The following FSIP2 variants were observed in gnomAD, a reference collection of about 807,000 sequenced individuals.
FSIP2 encodes fibrous sheath interacting protein 2.
In FSIP2, 367 loss-of-function variants were observed where a neutral mutation model predicts 510.5. The ratio of observed to expected loss-of-function variants is 0.72; its 90% CI spans 0.66 to 0.78. FSIP2 has a LOEUF of 0.78. FSIP2 is among the 30% of genes least tolerant of loss of function. The pLI, the probability that FSIP2 is intolerant of heterozygous loss-of-function variation, is 0.00. For missense variants in FSIP2, 7,594 were observed against 7,901.7 expected, an observed-to-expected ratio of 0.96 and a Z score of 1.48; for synonymous variants, 2,601 against 2,732.2, an observed-to-expected ratio of 0.95 and a Z score of 1.50.
chr2:185,801,612 C>T lies in FSIP2; in HGVS notation c.12306C>T (p.Pro4102=). 6.5e-7 allele frequency: 1 copy of T among 1,532,748 alleles called. No homozygotes were observed. The highest frequency in any genetic ancestry group is 8.7e-7 in the Non-Finnish European group (1 of 1,144,998). 94.9% of individuals were successfully genotyped at this position (1,532,748 alleles called of 1,614,324 possible). ...CTTGCTTCAAGGAACATCTCATACC[C>T]CATTCATATTACCCTCTCAAACCTG... ...LPSCFKEHLI[P]HSYYPLKPEI... is the part of the protein sequence containing the mutation. Residue 4102 remains proline, a synonymous_variant, in exon 17 of 23, where the codon CCC becomes CCT. Coordinates refer to ENST00000424728, the MANE Select transcript of FSIP2 (RefSeq NM_173651.4).
In FSIP2 at chr2:185,790,546, C is replaced by A; in HGVS notation, c.3410C>A (p.Ala1137Asp). The part of the protein sequence containing the change: ...GHLDSKTGSE[A>D]SVLVSEKPQG... ...TTAGACAGCAAAACTGGCAGTGAAG[C>A]TTCAGTTCTTGTTTCAGAAAAGCCT... Residue 1137 changes from alanine to aspartate, a missense_variant, in exon 16 of 23, where the codon GCT becomes GAT. Physicochemically the swap from Ala to Asp is moderately radical, Grantham distance 126. Coordinates refer to ENST00000424728, the MANE Select transcript of FSIP2 (RefSeq NM_173651.4). 1 of 1,533,930 alleles carries A rather than the reference C, an allele frequency of 6.5e-7. No individual in the cohort carries two copies. The highest frequency in any genetic ancestry group is 1.4e-5 in the African/African-American group (1 of 73,006).
chr2:185,807,779 T>A lies in FSIP2; in HGVS notation c.18473T>A (p.Phe6158Tyr), dbSNP rs757816882. Residue 6158 changes from phenylalanine (F) to tyrosine (Y), a missense_variant, in exon 17 of 23, where the codon TTC becomes TAC. Physicochemically the swap from Phe to Tyr is conservative, Grantham distance 22 (BLOSUM62 3). Transcript: ENST00000424728. ...NIVEKILKDV[F>Y]QTTDVPLPKP... ...GTTGAAAAGATCCTTAAAGATGTTT[T>A]CCAAACTACTGATGTGCCCCTACCT... 6.2e-7 allele frequency: 1 copy of A among 1,612,494 alleles called. No individual in the cohort carries two copies. The highest frequency in any genetic ancestry group is 1.3e-5 in the African/African-American group (1 of 74,814).
At position 185,800,768 on chromosome 2, in the gene FSIP2, A is replaced by G; in HGVS notation, c.11462A>G (p.Asp3821Gly). Residue 3821 changes from aspartate (D) to glycine (G), a missense_variant, in exon 17 of 23, where the codon GAC (aspartate) becomes GGC (glycine). By Grantham distance (94) the Asp-to-Gly change is moderately conservative. Coordinates refer to ENST00000424728, the MANE Select transcript of FSIP2 (RefSeq NM_173651.4). ...TGCCTTCAAGTAGATTACATGTCAG[A>G]CCTTTTGGAGAATGTGGCAGAAATT... ...CECLQVDYMS[D>G]LLENVAEIDQ... 6.5e-7 allele frequency: 1 copy of G among 1,534,072 alleles called. No individual in the cohort carries two copies. Among genetic ancestry groups the G allele is most frequent in the Non-Finnish European group, 8.7e-7 (1 of 1,145,524 alleles).
Position 185,802,867 on chromosome 2 carries a change from G to A in FSIP2, c.13561G>A (p.Glu4521Lys). The A allele has an allele frequency of 4.7e-6, 7 of 1,500,680 alleles. No individual in the cohort carries two copies. Among genetic ancestry groups the A allele is most frequent in the Non-Finnish European group, 6.2e-6 (7 of 1,134,000 alleles). 93.0% of individuals were successfully genotyped at this position (1,500,680 alleles called of 1,614,324 possible). A position where few individuals can be genotyped will look rare whatever the true frequency, so the allele number is the denominator to read the frequency against. Residue 4521 changes from glutamate to lysine, a missense_variant, in exon 17 of 23, where the codon GAA (glutamate) becomes AAA (lysine). Transcript: ENST00000424728. ...SDIRMKVSQH[E>K]IRFSKEEEET... ...TATTAGGATGAAAGTTTCCCAACAT[G>A]AAATTCGATTTTCAAAAGAGGAAGA...
Position 185,805,304 on chromosome 2 carries a change from A to G in FSIP2, c.15998A>G (p.Asn5333Ser). The G allele has an allele frequency of 6.3e-7, 1 of 1,596,492 alleles. No homozygotes were observed. The highest frequency in any genetic ancestry group is 1.4e-5 in the African/African-American group (1 of 73,786). ...AAAAGTGATATTAAAGTTTTACCAA[A>G]TGCTGAAAAAATGTTTTCTTTTCCA... Reference protein sequence around the residue: ...FKKSDIKVLPNAEKMFSFPPI... With the variant: ...FKKSDIKVLPSAEKMFSFPPI... Residue 5333 changes from asparagine (N) to serine (S), a missense_variant, in exon 17 of 23, where the codon AAT becomes AGT. Physicochemically the swap from Asn to Ser is conservative, Grantham distance 46. Transcript: ENST00000424728.
intron 13 of FSIP2, among the ~76,000 whole-genome samples, chr2:185,780,056 G>T (rs1453455551): frequency 1.3e-5 from 2 of 149,450 alleles, no homozygotes; most frequent in Non-Finnish European, 3.0e-5. Flanking sequence ...CTGGGTGACA[G>T]AGCAACACTC....
intron 16 of FSIP2, 95 bp downstream of exon 16, chr2:185,797,621 T>G (rs1011762935): frequency 1.5e-6 from 2 of 1,294,048 alleles, no homozygotes; most frequent in Admixed American, 5.1e-5. Context: ...AAAAGCTGTA[T>G]TCACTATTTT....
In FSIP2 at chr2:185,792,115, T is replaced by G; in HGVS notation, c.4979T>G (p.Val1660Gly). 6.5e-7 allele frequency: 1 copy of G among 1,534,006 alleles called. No homozygotes were observed. Among genetic ancestry groups the G allele is most frequent in the Admixed American group, 2.0e-5 (1 of 50,860 alleles). ...ILKVIQTELN[V>G]TSSDLKTSVE... is the part of the protein sequence containing the mutation. ...AAGGTTATTCAAACAGAATTAAATG[T>G]GACCTCATCAGATTTGAAGACAAGT... The change falls in exon 16 of 23, where the codon GTG (valine) becomes GGG (glycine). Residue 1660 changes from valine (V) to glycine (G), a missense_variant. Transcript: ENST00000424728.
rs1459328240 is a variant in FSIP2 at position 185,788,949 on chromosome 2, C to G, written c.1813C>G (p.His605Asp). 1.8e-5 allele frequency: 27 copies of G among 1,534,834 alleles called. No homozygotes were observed. The highest frequency in any genetic ancestry group is 1.7e-4 in the Middle Eastern group (1 of 5,992). The change falls in exon 16 of 23, where the codon CAT becomes GAT. Residue 605 changes from histidine to aspartate, a missense_variant. Physicochemically the swap from His to Asp is moderately conservative, Grantham distance 81. Transcript: ENST00000424728. The stretch of plus-strand genomic sequence containing the variant: ...CACACCTATAAAACCTCCTCCTGCA[C>G]ATGTGGAAAAAACAGTTGTGGGGAA... Reference protein sequence around the residue: ...PTTPIKPPPAHVEKTVVGKTC... With the variant: ...PTTPIKPPPADVEKTVVGKTC...
In FSIP2 at chr2:185,804,286, C is replaced by A; in HGVS notation, c.14980C>A (p.Leu4994Met). ...IVTTLVNSIV[L>M]EFTTSEILVA... ...TACAACATTGGTAAATTCAATTGTT[C>A]TGGAGTTCACCACATCAGAGATTTT... The change falls in exon 17 of 23, where the codon CTG (leucine) becomes ATG (methionine). Residue 4994 changes from leucine to methionine, a missense_variant. By Grantham distance (15) the Leu-to-Met change is conservative. Coordinates refer to ENST00000424728, the MANE Select transcript of FSIP2 (RefSeq NM_173651.4). 4.6e-6 allele frequency: 7 copies of A among 1,526,770 alleles called. No individual in the cohort carries two copies. Among genetic ancestry groups the A allele is most frequent in the Non-Finnish European group, 6.1e-6 (7 of 1,142,648 alleles). The allele number at this position is 1,526,770 out of a possible 1,614,324, so 94.6% of individuals were successfully genotyped here.
chr2:185,768,243 C>T (rs1037408180), intron 13 of FSIP2, among the ~76,000 whole-genome samples: 4 of 151,912 alleles, frequency 2.6e-5, no homozygotes, highest in African/African-American at 7.2e-5. Flanking sequence ...TATTGTTTTA[C>T]AGCAATGCAA....
upstream of FSIP2, chr2:185,738,732 C>G (rs1335505157): frequency 3.9e-6 from 6 of 1,536,004 alleles, no homozygotes; most frequent in Non-Finnish European, 4.4e-6. Flanking sequence ...AGGAGGCCAC[C>G]GCCCTTCTGG....
intron 19 of FSIP2, among the ~76,000 whole-genome samples, chr2:185,820,069 G>T (rs557307863): frequency 6.6e-6 from 1 of 151,842 alleles, no homozygotes; most frequent in African/African-American, 2.4e-5. Flanking sequence ...ATATGGTTTG[G>T]CTATGTCCCC....
chr2:185,793,330 A>C lies in FSIP2; in HGVS notation c.6194A>C (p.Asp2065Ala). ...AAAAACAGTTCTGACAAAGAGATCG[A>C]TTTAGATCAGCAAAAAGGTGTTATT... ...CDKNSSDKEIDLDQQKGVIEK... is the reference protein window; with the variant it reads ...CDKNSSDKEIALDQQKGVIEK... Residue 2065 changes from aspartate (D) to alanine (A), a missense_variant, in exon 16 of 23, where the codon GAT becomes GCT. Asp to Ala is a moderately radical substitution (Grantham distance 126, BLOSUM62 -2). Coordinates refer to ENST00000424728, the MANE Select transcript of FSIP2 (RefSeq NM_173651.4). 1 of 1,534,252 alleles carries C rather than the reference A, an allele frequency of 6.5e-7. No individual in the cohort carries two copies. Among genetic ancestry groups the C allele is most frequent in the Non-Finnish European group, 8.7e-7 (1 of 1,145,620 alleles).
At chr2:185,743,460 T>G (rs1691965273) in intron 3 of FSIP2, among the ~76,000 whole-genome samples, 166 bp downstream of exon 3, 1 of 152,194 alleles carries the variant, frequency 6.6e-6, no homozygotes, top group Admixed American at 6.5e-5. Context: ...TCAAGAGAAA[T>G]CAGACAACAG....
chr2:185,795,466 C>G lies in FSIP2; in HGVS notation c.8330C>G (p.Thr2777Arg), dbSNP rs1693244412. Residue 2777 changes from threonine (T) to arginine (R), a missense_variant, in exon 16 of 23, where the codon ACA becomes AGA. Thr to Arg is a moderately conservative substitution (Grantham distance 71, BLOSUM62 -1). Transcript: ENST00000424728. ...ATAGCAGCAGGTAAAATAGTTAATA[C>G]AGTTTTGCAAGAATTATATGTTACC... is the stretch of plus-strand genomic sequence containing the variant. Reference protein sequence around the residue: ...QIIAAGKIVNTVLQELYVTNN... With the variant: ...QIIAAGKIVNRVLQELYVTNN... 3 of 1,534,602 alleles carry G rather than the reference C, an allele frequency of 2.0e-6. No homozygotes were observed. The highest frequency in any genetic ancestry group is 2.6e-6 in the Non-Finnish European group (3 of 1,146,016).
rs1263386562 is a variant in FSIP2, at chr2:185,805,315, A to G, written c.16009A>G (p.Met5337Val). 2 of 1,597,520 alleles carry G rather than the reference A, an allele frequency of 1.3e-6. No individual in the cohort carries two copies. The highest frequency in any genetic ancestry group is 1.8e-5 in the Admixed American group (1 of 56,226). Reference sequence around the variant, plus strand: ...TAAAGTTTTACCAAATGCTGAAAAAATGTTTTCTTTTCCACCAATTGATAA... The same window carrying G: ...TAAAGTTTTACCAAATGCTGAAAAAGTGTTTTCTTTTCCACCAATTGATAA... ...DIKVLPNAEK[M>V]FSFPPIDKET... The change falls in exon 17 of 23, where the codon ATG becomes GTG. Residue 5337 changes from methionine to valine, a missense_variant. Met to Val is a conservative substitution (Grantham distance 21, BLOSUM62 1). Transcript: ENST00000424728.
In FSIP2 at chr2:185,739,364, T is replaced by C. The variant is rs1691874313; in HGVS notation, c.118T>C (p.Phe40Leu). ...CTGACAGGGCGTGCACAAAACCCAC[T>C]TTGCAGGGGTTGGACCGGCTCAGCT... is the stretch of plus-strand genomic sequence containing the variant. ...QCRDGVHKTH[F>L]AGVGPAQLLD... The change falls in exon 2 of 23, where the codon TTT becomes CTT. Residue 40 changes from phenylalanine to leucine, a missense_variant. Phe to Leu is a conservative substitution (Grantham distance 22). Transcript: ENST00000424728. 6.5e-7 allele frequency: 1 copy of C among 1,531,192 alleles called. No homozygotes were observed. Among genetic ancestry groups the C allele is most frequent in the African/African-American group, 1.4e-5 (1 of 72,492 alleles). 94.9% of individuals were successfully genotyped at this position (1,531,192 alleles called of 1,614,324 possible).
At chr2:185,828,226 G>GAT in intron 21 of FSIP2, 27 bp downstream of exon 21, 1 of 1,324,152 alleles carries the variant, frequency 7.6e-7, no homozygotes, top group Non-Finnish European at 1.1e-6. Flanking sequence ...AGCCTTAGTT[G>GAT]ATATATATTA....
Sources: gnomAD v4.1 joint callset for allele counts (sites outside exome capture counted in the v4.1 genomes callset) on GRCh38, gnomAD v4.1.1 for gene constraint, MANE v1.5 for transcripts, NCBI Gene and HGNC (gene_info 2026-07-23, HGNC 2026-07-21) for gene names.